The following MCC variants were observed in gnomAD, a reference collection of about 807,000 sequenced individuals.
MCC encodes the protein colorectal mutant cancer protein.
MCC carries 90 observed loss-of-function variants against 116.2 expected under a neutral mutation model. The observed-to-expected ratio is 0.77, with a 90% confidence interval of 0.65 to 0.92. The LOEUF (loss-of-function observed/expected upper bound fraction) is 0.92, where lower values mean the gene tolerates loss of function less well. MCC is among the 40% of genes least tolerant of loss of function. The pLI is 0.00. For missense variants in MCC, 1,516 were observed against 1,312.2 expected, an observed-to-expected ratio of 1.16 and a Z score of -2.40; for synonymous variants, 578 against 510.5, an observed-to-expected ratio of 1.13 and a Z score of -1.78.
chr5:113,222,758 A>G (rs1039310050), intron 3 of MCC, among the ~76,000 whole-genome samples: 2 of 152,188 alleles, frequency 1.3e-5, no homozygotes, highest in Non-Finnish European at 2.9e-5. Context: ...CTCTGCTAGG[A>G]GCTGGGAATG....
intron 1 of MCC, among the ~76,000 whole-genome samples, chr5:113,400,842 C>T (rs1435574608): frequency 6.6e-6 from 1 of 152,186 alleles, no homozygotes; most frequent in Non-Finnish European, 1.5e-5. Context: ...GATGTAGAAT[C>T]TTACAGTGAG....
intron 9 of MCC, among the ~76,000 whole-genome samples, chr5:113,084,766 G>A (rs1755088847): frequency 6.6e-6 from 1 of 152,104 alleles, no homozygotes; most frequent in Non-Finnish European, 1.5e-5. Context: ...TTTTTTTGTG[G>A]CAGAGCTGTC....
chr5:113,263,629 C>A (rs1765294844), intron 3 of MCC, among the ~76,000 whole-genome samples: 1 of 152,198 alleles, frequency 6.6e-6, no homozygotes, highest in Admixed American at 6.5e-5. Flanking sequence ...AATAATTTTA[C>A]TGCAGGAATC....
chr5:113,439,601 T>C (rs1393432676), intron 1 of MCC, among the ~76,000 whole-genome samples: 1 of 152,212 alleles, frequency 6.6e-6, no homozygotes, highest in Non-Finnish European at 1.5e-5. Context: ...TCGTAAGTTT[T>C]CTGCTAGAGA....
At chr5:113,071,267 G>C in intron 11 of MCC, 33 bp from the exon 12 acceptor site, 2 of 1,599,900 alleles carry the variant, frequency 1.3e-6, no homozygotes, top group Non-Finnish European at 1.7e-6. Context: ...TTCACACTAG[G>C]GTTACAGTTA....
chr5:113,384,846 G>T, intron 2 of MCC, 122 bp downstream of exon 2: 1 of 1,141,114 alleles, frequency 8.8e-7, no homozygotes, highest in Non-Finnish European at 1.3e-6. Context: ...AGTGTGGCCA[G>T]GAGGGCAGCC....
intron 6 of MCC, among the ~76,000 whole-genome samples, chr5:113,114,837 T>C (rs114093990): frequency 0.023 from 3,479 of 152,260 alleles, 55 homozygotes; most frequent in Non-Finnish European, 0.034. Flanking sequence ...TTATTGGCAA[T>C]AAAATCCTCT....
chr5:113,210,885 A>G (rs1013972744), intron 3 of MCC, among the ~76,000 whole-genome samples: 2 of 152,204 alleles, frequency 1.3e-5, no homozygotes, highest in Admixed American at 6.5e-5. Flanking sequence ...CACTTGAAAG[A>G]TGCTTATCAG....
intron 3 of MCC, among the ~76,000 whole-genome samples, chr5:113,295,290 T>C (rs1341389375): frequency 6.6e-6 from 1 of 152,126 alleles, no homozygotes; most frequent in African/African-American, 2.4e-5. Flanking sequence ...GGTGCACTTC[T>C]CACGGAACAT....
Position 113,024,684 on chromosome 5 carries a change from T to G in MCC, c.*2618A>C, listed in dbSNP as rs1750405534. 1 of 152,132 alleles carries G rather than the reference T, an allele frequency of 6.6e-6. No individual in the cohort carries two copies. The highest frequency in any genetic ancestry group is 6.5e-5 in the Admixed American group (1 of 15,272). The allele number at this position is 152,132 out of a possible 1,614,324, so 9.4% of individuals were successfully genotyped here. On this transcript the variant is annotated 3_prime_UTR_variant, in exon 19 of 19. Transcript: ENST00000408903. The stretch of plus-strand genomic sequence containing the variant: ...TTGGAGATGTTTGTTAGAGAAAAAT[T>G]CAGGTAGCGCCAGGTTATTCACAAA...
In MCC at chr5:113,125,889, C is replaced by G. The variant is rs115272335; in HGVS notation, c.885-3063G>C. 7.9e-3 allele frequency among the ~76,000 whole-genome samples: 1,196 copies of G among 151,976 alleles called. 20 individuals carry two copies. Among genetic ancestry groups the G allele is most frequent in the African/African-American group, 0.027 (1,101 of 41,456 alleles). ...TATTTCTTTGGGGAAAAAATGCCTC[C>G]CAAAAAAACACCAACTGCTATTGCT... On this transcript the variant is annotated intron_variant, in intron 5 of 18. Coordinates refer to ENST00000408903, the MANE Select transcript of MCC (RefSeq NM_001085377.2).
intron 3 of MCC, among the ~76,000 whole-genome samples, chr5:113,322,737 AGAG>A (rs1485324617): frequency 6.6e-6 from 1 of 152,236 alleles, no homozygotes; most frequent in Non-Finnish European, 1.5e-5. Flanking sequence ...GGCTGGGTAC[AGAG>A]GATAGCGAGT....
intron 3 of MCC, among the ~76,000 whole-genome samples, chr5:113,196,383 G>A (rs1310191326): frequency 2.6e-5 from 4 of 152,150 alleles, no homozygotes; most frequent in African/African-American, 9.7e-5. Flanking sequence ...TAGCAACCTG[G>A]AGAGGTCATG....
chr5:113,388,562 G>A (rs1047991496), intron 1 of MCC, among the ~76,000 whole-genome samples: 1 of 152,082 alleles, frequency 6.6e-6, no homozygotes. Flanking sequence ...GTTGTTTAAA[G>A]AGGCCTGACA....
At chr5:113,468,875 A>C (rs1771994637) in intron 1 of MCC, among the ~76,000 whole-genome samples, 1 of 152,206 alleles carries the variant, frequency 6.6e-6, no homozygotes, top group African/African-American at 2.4e-5. Context: ...TTATTGGTCT[A>C]TTCAGAGATT....
intron 2 of MCC, among the ~76,000 whole-genome samples, chr5:113,379,745 G>C (rs1029201080): frequency 6.6e-6 from 1 of 152,080 alleles, no homozygotes; most frequent in Non-Finnish European, 1.5e-5. Context: ...CTGTTATGAC[G>C]TGTTTGTTCA....
At chr5:113,347,586 T>C (rs1325632879) in intron 2 of MCC, among the ~76,000 whole-genome samples, 3 of 151,176 alleles carry the variant, frequency 2.0e-5, no homozygotes. Context: ...ACACAAAAAA[T>C]AAAAAGCAAG....
chr5:113,296,345 T>C (rs1171195657), intron 3 of MCC, among the ~76,000 whole-genome samples: 1 of 152,140 alleles, frequency 6.6e-6, no homozygotes, highest in Non-Finnish European at 1.5e-5. Flanking sequence ...CAATTCTAGA[T>C]AGAAAATGAT....
intron 2 of MCC, among the ~76,000 whole-genome samples, chr5:113,381,113 G>A (rs548683242): frequency 7.2e-5 from 11 of 152,212 alleles, no homozygotes; most frequent in Non-Finnish European, 1.6e-4. Context: ...GGTTATTTTA[G>A]TAGGCAAGGC....
Sources: gnomAD v4.1 joint callset for allele counts (sites outside exome capture counted in the v4.1 genomes callset) on GRCh38, gnomAD v4.1.1 for gene constraint, MANE v1.5 for transcripts, NCBI Gene and HGNC (gene_info 2026-07-23, HGNC 2026-07-21) for gene names.